The following PLA2G5 variants were observed in gnomAD, a reference collection of about 807,000 sequenced individuals.
PLA2G5 encodes Ca2+-dependent phospholipase A2.
PLA2G5 carries 12 observed loss-of-function variants against 15.9 expected under a neutral mutation model. The ratio of observed to expected loss-of-function variants is 0.76; its 90% CI spans 0.48 to 1.23. The LOEUF (loss-of-function observed/expected upper bound fraction) is 1.23. PLA2G5 is among the 50% of genes most tolerant of loss of function. PLA2G5 has a pLI of 0.00. For synonymous variants in PLA2G5, 71 were observed against 71.4 expected, an observed-to-expected ratio of 0.99 and a Z score of 0.03; for missense variants, 169 against 177.1, an observed-to-expected ratio of 0.95 and a Z score of 0.26.
rs3806313 is a variant in PLA2G5, at chr1:20,070,240, T to G, written c.-236T>G. On this transcript the variant is annotated 5_prime_UTR_variant, in exon 1 of 5. Transcript: ENST00000375108. ...CTACCCGGCTGGGTCCAGGCAGAAG[T>G]TTTTCCTCCCCACCTCCGGGTTTGT... The G allele has an allele frequency of 0.055, 54,289 of 985,270 alleles. 1,845 individuals are homozygous for G. The highest frequency in any genetic ancestry group is 0.25 in the East Asian group (2,198 of 8,786). 61.0% of individuals were successfully genotyped at this position (985,270 alleles called of 1,614,324 possible).
At chr1:20,033,694 G>A in intron 1 of PLA2G5, among the ~76,000 whole-genome samples, 1 of 152,108 alleles carries the variant, frequency 6.6e-6, no homozygotes, top group East Asian at 1.9e-4. Context: ...CAAGAGCAAG[G>A]CCTTGGTTAG....
At chr1:20,053,575 G>A (rs1048075640) in intron 1 of PLA2G5, among the ~76,000 whole-genome samples, 3 of 143,006 alleles carry the variant, frequency 2.1e-5, no homozygotes, top group South Asian at 2.5e-4. Flanking sequence ...CTTTGCGGGG[G>A]GGGGGGTGAT....
upstream of PLA2G5, chr1:20,068,880 T>C (rs2015191996): frequency 8.1e-7 from 1 of 1,234,342 alleles, no homozygotes; most frequent in Non-Finnish European, 1.1e-6. Flanking sequence ...AAGCCGCTGA[T>C]ACAGAAGCCT....
At chr1:20,029,318 C>A (rs936045952) in intron 1 of PLA2G5, among the ~76,000 whole-genome samples, 1 of 151,584 alleles carries the variant, frequency 6.6e-6, no homozygotes, top group African/African-American at 2.4e-5. Context: ...TTCCTCTCAA[C>A]GTCCAGCCAC....
chr1:20,064,987 A>G (rs2014940790), intron 2 of PLA2G5, among the ~76,000 whole-genome samples: 1 of 152,190 alleles, frequency 6.6e-6, no homozygotes, highest in African/African-American at 2.4e-5. Flanking sequence ...GAGAGCACCA[A>G]AACATGTCAA....
intron 1 of PLA2G5, among the ~76,000 whole-genome samples, chr1:20,038,780 A>G (rs1309650630): frequency 1.3e-5 from 2 of 152,196 alleles, no homozygotes; most frequent in Admixed American, 6.5e-5. Context: ...CCTGTCTCAA[A>G]AAAAGAAAAA....
At chr1:20,081,002 G>A (rs144097631) in intron 1 of PLA2G5, among the ~76,000 whole-genome samples, 30 of 152,004 alleles carry the variant, frequency 2.0e-4, no homozygotes, top group South Asian at 1.2e-3. Flanking sequence ...CGCACTGTGC[G>A]TTCTTTCCAG....
upstream of PLA2G5, among the ~76,000 whole-genome samples, chr1:20,066,332 A>T (rs1305696941): frequency 1.3e-5 from 2 of 152,146 alleles, no homozygotes; most frequent in Non-Finnish European, 2.9e-5. Context: ...CCTTTATCAG[A>T]TATGTGTTTT....
At chr1:20,041,558 T>C (rs1001242529) in intron 1 of PLA2G5, among the ~76,000 whole-genome samples, 7 of 152,158 alleles carry the variant, frequency 4.6e-5, no homozygotes, top group African/African-American at 1.2e-4. Context: ...GAACAATCCC[T>C]GGGGAGTAGT....
chr1:20,050,055 A>G (rs1486387826), intron 1 of PLA2G5, among the ~76,000 whole-genome samples: 1 of 152,186 alleles, frequency 6.6e-6, no homozygotes, highest in East Asian at 1.9e-4. Flanking sequence ...AACTGGCCTA[A>G]TAGATTTTAA....
At chr1:20,060,606 G>A (rs1292327694) in intron 2 of PLA2G5, among the ~76,000 whole-genome samples, 1 of 151,846 alleles carries the variant, frequency 6.6e-6, no homozygotes, top group African/African-American at 2.4e-5. Flanking sequence ...GTTTAGGCTA[G>A]ATGTAAAGAG....
chr1:20,077,593 A>G (rs1382837521), intron 1 of PLA2G5, among the ~76,000 whole-genome samples: 1 of 152,238 alleles, frequency 6.6e-6, no homozygotes, highest in Non-Finnish European at 1.5e-5. Context: ...TATGGTAGTT[A>G]TGACTTACTG....
At chr1:20,070,556 C>A in intron 1 of PLA2G5, 91 bp downstream of exon 1, 1 of 806,692 alleles carries the variant, frequency 1.2e-6, no homozygotes, top group Non-Finnish European at 1.5e-6. Context: ...TGTGGAGAGC[C>A]CAAGAGGAGG....
At chr1:20,039,818 T>C (rs2013487404) in intron 1 of PLA2G5, among the ~76,000 whole-genome samples, 1 of 152,222 alleles carries the variant, frequency 6.6e-6, no homozygotes, top group Non-Finnish European at 1.5e-5. Flanking sequence ...ACAAAAAGAA[T>C]AGACCTTCAG....
chr1:20,090,733 T>G lies in PLA2G5; in HGVS notation c.*41T>G, dbSNP rs749010834. On this transcript the variant is annotated 3_prime_UTR_variant, in exon 5 of 5. Coordinates refer to ENST00000375108, the MANE Select transcript of PLA2G5 (RefSeq NM_000929.3). ...TCCTCCCAGACCAAGACTTTTGTTC[T>G]GTTTTTCTACAACACAGAGTACTGA... 6.2e-7 allele frequency: 1 copy of G among 1,609,116 alleles called. No homozygotes were observed. The highest frequency in any genetic ancestry group is 8.5e-7 in the Non-Finnish European group (1 of 1,175,548).
intron 1 of PLA2G5, among the ~76,000 whole-genome samples, chr1:20,051,031 T>C (rs1383696913): frequency 1.3e-5 from 2 of 152,174 alleles, no homozygotes; most frequent in Non-Finnish European, 2.9e-5. Context: ...GAAACTTCTA[T>C]AATTCTGATT....
chr1:20,087,034 C>T (rs1459078144), intron 3 of PLA2G5, among the ~76,000 whole-genome samples: 1 of 152,150 alleles, frequency 6.6e-6, no homozygotes, highest in Non-Finnish European at 1.5e-5. Flanking sequence ...GGCAGGAAGC[C>T]AGAATGATCC....
chr1:20,044,872 CTT>C lies in PLA2G5; in HGVS notation n.277-14759_277-14758del, dbSNP rs375718371. On this transcript the variant is annotated intron_variant and non_coding_transcript_variant, in intron 1 of 6. Coordinates refer to the PLA2G5 transcript ENST00000460175. ...CGGTAGAAAAGGAAGATAGAAAAGA[CTT>C]AGCAGCGTTTGGGGTTGGGACTGAG... Among the ~76,000 whole-genome samples the C allele has an allele frequency of 2.3e-3, 344 of 151,880 alleles. 1 individual carries two copies. Among genetic ancestry groups the C allele is most frequent in the African/African-American group, 7.2e-3 (300 of 41,406 alleles).
At chr1:20,070,114 C>G, upstream of PLA2G5, 1 of 768,334 alleles carries the variant, frequency 1.3e-6, no homozygotes, top group Non-Finnish European at 1.6e-6. Flanking sequence ...TTGGAATTCT[C>G]TGGGTGACTG....
Sources: allele counts gnomAD v4.1 joint callset (sites outside exome capture counted in the v4.1 genomes callset), GRCh38; gene constraint gnomAD v4.1.1; transcripts MANE v1.5; gene names NCBI Gene and HGNC (gene_info 2026-07-23, HGNC 2026-07-21).